Variants in GLIS3 observed in about 807,000 individuals in gnomAD.
GLIS3 encodes zinc finger protein GLIS3.
A neutral mutation model predicts 78.6 loss-of-function variants in GLIS3; 53 were observed. The ratio of observed to expected loss-of-function variants is 0.67; its 90% CI spans 0.54 to 0.85. The LOEUF is 0.85. GLIS3 is among the 40% of genes least tolerant of loss of function. GLIS3 has a pLI of 0.00. For missense variants in GLIS3, 1,703 were observed against 1,231.1 expected (o/e 1.38, Z -5.74); for synonymous variants, 684 against 509.9 (o/e 1.34, Z -4.60).
intron 2 of GLIS3, among the ~76,000 whole-genome samples, chr9:4,174,350 CAG>C (rs903405239): frequency 2.6e-5 from 4 of 152,248 alleles, no homozygotes; most frequent in Middle Eastern, 6.8e-3. Context: ...AATATACAAA[CAG>C]ATACTTTCCA....
At chr9:4,454,990 G>C in the GLIS3 span, among the ~76,000 whole-genome samples, 1 of 151,898 alleles carries the variant, frequency 6.6e-6, no homozygotes, top group Non-Finnish European at 1.5e-5. Context: ...AAACTATTAA[G>C]AATTAAGAAG....
chr9:4,118,636 G>C lies in GLIS3; in HGVS notation c.842C>G (p.Ser281Cys), dbSNP rs776126002. The C allele has an allele frequency of 1.3e-5, 21 of 1,614,098 alleles. No individual in the cohort carries two copies. Among genetic ancestry groups the C allele is most frequent in the Non-Finnish European group, 1.8e-5 (21 of 1,180,050 alleles). Residue 281 changes from serine to cysteine, a missense_variant, in exon 4 of 11, where the codon TCT (serine) becomes TGT (cysteine). By Grantham distance (112) the Ser-to-Cys change is moderately radical. Transcript: ENST00000381971. The surrounding 1 kb of genome is among the most constrained non-coding windows in gnomAD (Gnocchi z 4.7). ...TGAGTGCCGAGGACTAGGGTAAGGAGAGTGGCTACTTTCCGTGCCAAAAAG... is the reference window on the plus strand; with the variant it reads ...TGAGTGCCGAGGACTAGGGTAAGGACAGTGGCTACTTTCCGTGCCAAAAAG... Reference protein sequence around the residue: ...SYLFGTESSHSPYPSPRHSST... With the variant: ...SYLFGTESSHCPYPSPRHSST...
At chr9:3,876,552 A>C (rs907401361) in intron 8 of GLIS3, among the ~76,000 whole-genome samples, 4 of 146,744 alleles carry the variant, frequency 2.7e-5, no homozygotes, top group African/African-American at 7.7e-5. Flanking sequence ...TGAAGTAATT[A>C]GCAGTAAAGC....
intron 4 of GLIS3, among the ~76,000 whole-genome samples, chr9:3,980,354 C>T (rs763783716): frequency 4.6e-5 from 7 of 152,166 alleles, no homozygotes; most frequent in Admixed American, 2.6e-4. Flanking sequence ...GGTTCACACT[C>T]GACGTAAGTG....
At chr9:3,921,613 G>A (rs776540590) in intron 6 of GLIS3, among the ~76,000 whole-genome samples, 3 of 152,008 alleles carry the variant, frequency 2.0e-5, no homozygotes, top group Non-Finnish European at 4.4e-5. Flanking sequence ...AGATGGGGGA[G>A]AAAAATCTAA....
the GLIS3 span, among the ~76,000 whole-genome samples, chr9:4,387,848 G>T: frequency 1.3e-5 from 2 of 152,280 alleles, no homozygotes; most frequent in East Asian, 1.9e-4. Flanking sequence ...AAAGTCTGTT[G>T]TGTAACTGTA....
chr9:3,950,392 A>G (rs1328205114), intron 4 of GLIS3, among the ~76,000 whole-genome samples: 1 of 152,176 alleles, frequency 6.6e-6, no homozygotes, highest in Non-Finnish European at 1.5e-5. Flanking sequence ...TAAAGCCCAA[A>G]GCCTCGCCAT....
At chr9:4,247,962 C>A (rs934949920) in intron 2 of GLIS3, among the ~76,000 whole-genome samples, 1 of 152,160 alleles carries the variant, frequency 6.6e-6, no homozygotes, top group Non-Finnish European at 1.5e-5. Flanking sequence ...TTACAGTCAT[C>A]CTGCTGTGCA....
chr9:4,369,221 T>C, the GLIS3 span, among the ~76,000 whole-genome samples: 1 of 152,152 alleles, frequency 6.6e-6, no homozygotes, highest in African/African-American at 2.4e-5. Context: ...GCCACCATTC[T>C]AGATCTTCCG....
At chr9:3,893,975 C>T (rs1284421312) in intron 7 of GLIS3, among the ~76,000 whole-genome samples, 3 of 152,188 alleles carry the variant, frequency 2.0e-5, no homozygotes, top group African/African-American at 7.2e-5. Flanking sequence ...TCACTGCATT[C>T]TCCAATCTAA....
intron 2 of GLIS3, among the ~76,000 whole-genome samples, chr9:4,250,462 T>C (rs1485280799): frequency 6.6e-6 from 1 of 152,212 alleles, no homozygotes; most frequent in Non-Finnish European, 1.5e-5. Context: ...AGTGGTGATA[T>C]CCCCTTTATC....
At chr9:3,844,541 A>C (rs1818922269) in intron 9 of GLIS3, among the ~76,000 whole-genome samples, 2 of 152,228 alleles carry the variant, frequency 1.3e-5, no homozygotes, top group Non-Finnish European at 2.9e-5. Flanking sequence ...CTAAGTCTAT[A>C]ATAATATTAA....
intron 4 of GLIS3, among the ~76,000 whole-genome samples, chr9:4,109,558 T>A (rs73643707): frequency 0.011 from 1,657 of 152,326 alleles, 28 homozygotes; most frequent in African/African-American, 0.038. Flanking sequence ...CTTTAAGAGA[T>A]AATGGAGAAG....
intron 10 of GLIS3, among the ~76,000 whole-genome samples, chr9:3,828,893 T>C (rs1390884949): frequency 6.6e-6 from 1 of 152,114 alleles, no homozygotes; most frequent in Non-Finnish European, 1.5e-5. Context: ...GCCTAACTTA[T>C]GGGGGCTTTG....
intron 4 of GLIS3, among the ~76,000 whole-genome samples, chr9:4,009,787 C>A (rs1363964537): frequency 6.6e-6 from 1 of 152,174 alleles, no homozygotes; most frequent in Non-Finnish European, 1.5e-5. Flanking sequence ...TGCCCTCCAA[C>A]CTGGGCAGGT....
the GLIS3 span, among the ~76,000 whole-genome samples, chr9:4,467,692 G>T: frequency 6.6e-6 from 1 of 152,128 alleles, no homozygotes; most frequent in Non-Finnish European, 1.5e-5. Context: ...AACCAAAACA[G>T]AAAAGCTGAA....
chr9:3,929,105 T>C (rs1468505949), intron 6 of GLIS3, among the ~76,000 whole-genome samples: 1 of 152,220 alleles, frequency 6.6e-6, no homozygotes, highest in Non-Finnish European at 1.5e-5. Context: ...CTTTGCTCTA[T>C]AGGCGAACTT....
rs1020210316 is a variant in GLIS3, at chr9:4,312,036, G to A, written n.265-1508C>T. Among the ~76,000 whole-genome samples, 7 of 152,324 alleles carry A rather than the reference G, an allele frequency of 4.6e-5. No homozygotes were observed. In the East Asian group the frequency reaches 9.6e-4, roughly 21 times the overall value. On this transcript the variant is annotated intron_variant and non_coding_transcript_variant, in intron 2 of 4. Coordinates refer to the GLIS3 transcript ENST00000471664. Reference sequence around the variant, plus strand: ...GCAGAGAAAAATAACTACTGGGTACGAGGCTTAGAATCTGGGTCACAAAAC... The same window carrying A: ...GCAGAGAAAAATAACTACTGGGTACAAGGCTTAGAATCTGGGTCACAAAAC...
chr9:4,033,420 C>T (rs149350545), intron 4 of GLIS3, among the ~76,000 whole-genome samples: 1 of 152,112 alleles, frequency 6.6e-6, no homozygotes, highest in Non-Finnish European at 1.5e-5. Flanking sequence ...AATTTTAAGG[C>T]CCCAAATATC....
Sources: allele counts gnomAD v4.1 joint callset (sites outside exome capture counted in the v4.1 genomes callset), GRCh38; gene constraint gnomAD v4.1.1; non-coding constraint Gnocchi (gnomAD v3.1); transcripts MANE v1.5; gene names NCBI Gene and HGNC (gene_info 2026-07-23, HGNC 2026-07-21).